Variants in BRWD1 observed in about 807,000 individuals in gnomAD.
The protein encoded by BRWD1 is bromodomain and WD repeat domain containing 1, also known as bromodomain and WD repeat-containing protein 1.
Under a neutral mutation model 251.2 loss-of-function variants are expected in BRWD1, and 82 were observed. The observed-to-expected ratio is 0.33, with a 90% CI of 0.27 to 0.39. The LOEUF (loss-of-function observed/expected upper bound fraction) is 0.39. BRWD1 is among the 10% of genes least tolerant of loss of function. BRWD1 has a pLI of 1.00. For synonymous variants in BRWD1, 918 were observed against 902.8 expected (o/e 1.02, Z -0.30); for missense variants, 2,233 against 2,711.6 (o/e 0.82, Z 3.92).
chr21:39,276,578 GTTGTT>G (rs1443877326), intron 11 of BRWD1, among the ~76,000 whole-genome samples: 2 of 152,138 alleles, frequency 1.3e-5, no homozygotes, highest in African/African-American at 4.8e-5. Context: ...ATTTTCAATT[GTTGTT>G]TTAAGTTATT....
chr21:39,188,300 T>C lies in BRWD1; in HGVS notation c.*7959A>G. Reference sequence around the variant, plus strand: ...TGGTACACACCAATCTTGATGGCAGTTTGTTTTGTAGGACCCTGCCTGAAG... The same window carrying C: ...TGGTACACACCAATCTTGATGGCAGCTTGTTTTGTAGGACCCTGCCTGAAG... On this transcript the variant is annotated 3_prime_UTR_variant, in exon 41 of 41. Coordinates refer to ENST00000342449, the MANE Select transcript of BRWD1 (RefSeq NM_033656.4). 7.1e-6 allele frequency: 7 copies of C among 985,324 alleles called. No homozygotes were observed. The highest frequency in any genetic ancestry group is 8.4e-6 in the Non-Finnish European group (7 of 829,898). 61.0% of individuals were successfully genotyped at this position (985,324 alleles called of 1,614,324 possible).
At chr21:39,268,102 T>C (rs1483136685) in intron 15 of BRWD1, among the ~76,000 whole-genome samples, 1 of 152,078 alleles carries the variant, frequency 6.6e-6, no homozygotes, top group African/African-American at 2.4e-5. Context: ...AAATCTTCAA[T>C]GGATCCAATA....
At chr21:39,292,693 C>A (rs1397660186) in intron 8 of BRWD1, among the ~76,000 whole-genome samples, 2 of 152,012 alleles carry the variant, frequency 1.3e-5, no homozygotes, top group Non-Finnish European at 2.9e-5. Context: ...GGGCAACATC[C>A]AAACTGTGGG....
intron 4 of BRWD1, among the ~76,000 whole-genome samples, chr21:39,306,068 G>A (rs2036277764): frequency 6.7e-6 from 1 of 148,472 alleles, no homozygotes; most frequent in Admixed American, 6.7e-5. Flanking sequence ...TTATCTTTAA[G>A]TATCTTTTTT....
rs1373939856 is a variant in BRWD1, at chr21:39,191,956, A to ATAG, written c.*4300_*4302dup. On this transcript the variant is annotated 3_prime_UTR_variant, in exon 41 of 41. Transcript: ENST00000342449. Reference sequence around the variant, plus strand: ...CTTGCCATACTTGAGAAACAGATGTATAGTCTAATTATTTACATGTTGCCA... The same window carrying ATAG: ...CTTGCCATACTTGAGAAACAGATGTATAGTAGTCTAATTATTTACATGTTGCCA... 1 of 985,040 alleles carries ATAG rather than the reference A, an allele frequency of 1.0e-6. No homozygotes were observed. Among genetic ancestry groups the ATAG allele is most frequent in the East Asian group, 1.1e-4 (1 of 8,824 alleles). The allele number at this position is 985,040 out of a possible 1,614,324, so 61.0% of individuals were successfully genotyped here.
Position 39,199,002 on chromosome 21 carries a change from G to GTAT in BRWD1, c.5411_5413dup (p.Asn1804dup), listed in dbSNP as rs1161106996. ...AAAGAAACTCGCATTCTTGTGAAAT[G>GTAT]TATTGTATTTCCTACCACCAGATCT... On this transcript the variant is annotated inframe_insertion, in exon 40 of 41. Transcript: ENST00000342449. The GTAT allele has an allele frequency of 6.2e-7, 1 of 1,613,950 alleles. No individual in the cohort carries two copies. Among genetic ancestry groups the GTAT allele is most frequent in the African/African-American group, 1.3e-5 (1 of 74,890 alleles).
At position 39,198,945 on chromosome 21, in the gene BRWD1, T is replaced by C. The variant is rs1428462679; in HGVS notation, c.5471A>G (p.Asp1824Gly). 2 of 1,613,824 alleles carry C rather than the reference T, an allele frequency of 1.2e-6. No individual in the cohort carries two copies. The highest frequency in any genetic ancestry group is 1.7e-5 in the Admixed American group (1 of 59,976). The change falls in exon 40 of 41, where the codon GAC (aspartate) becomes GGC (glycine). Residue 1824 changes from aspartate to glycine, a missense_variant. By Grantham distance (94) the Asp-to-Gly change is moderately conservative. Around this residue, in one of 12 missense-constraint regions of BRWD1, gnomAD observed 928 missense variants for 970.0 expected, o/e 0.96. Coordinates refer to ENST00000342449, the MANE Select transcript of BRWD1 (RefSeq NM_033656.4). Reference protein sequence around the residue: ...KKTKILSDSEDSESEEQDRED... With the variant: ...KKTKILSDSEGSESEEQDRED... ...TCTATCTTGCTCTTCAGATTCAGAG[T>C]CTTCTGAGTCACTCAGAATCTTGGT...
chr21:39,264,371 G>A (rs909242910), intron 17 of BRWD1, 89 bp downstream of exon 17: 2 of 763,986 alleles, frequency 2.6e-6, no homozygotes, highest in East Asian at 3.2e-5. Context: ...TAATAATTGG[G>A]GATCTAAAGG....
chr21:39,289,032 CAG>C (rs1252889571), intron 8 of BRWD1, among the ~76,000 whole-genome samples: 3 of 152,198 alleles, frequency 2.0e-5, no homozygotes, highest in African/African-American at 7.2e-5. Flanking sequence ...ACACTGTTGT[CAG>C]AGAATATACT....
At chr21:39,295,388 CGT>C (rs1568964804) in intron 7 of BRWD1, among the ~76,000 whole-genome samples, 2 of 151,752 alleles carry the variant, frequency 1.3e-5, no homozygotes, top group Non-Finnish European at 2.9e-5. Flanking sequence ...GGGGTTTCAC[CGT>C]GTTAGCCAGG....
At position 39,262,181 on chromosome 21, in the gene BRWD1, A is replaced by G. The variant is rs1411489772; in HGVS notation, c.1885+2279T>C. 2.0e-5 allele frequency among the ~76,000 whole-genome samples: 3 copies of G among 152,244 alleles called. No individual in the cohort carries two copies. The East Asian group carries it at 5.8e-4, about 29-fold the overall frequency. On this transcript the variant is annotated intron_variant, in intron 17 of 40. Coordinates refer to ENST00000342449, the MANE Select transcript of BRWD1 (RefSeq NM_033656.4). ...AAAATACATAAAGTAAAAACTGAGT[A>G]AACTGAAGAGAGAAATGACAAATTC...
At chr21:39,239,783 C>T (rs1025216905) in intron 21 of BRWD1, among the ~76,000 whole-genome samples, 11 of 152,184 alleles carry the variant, frequency 7.2e-5, no homozygotes, top group African/African-American at 2.7e-4. Flanking sequence ...TCAGCAGGAA[C>T]TCTCATTCAT....
At chr21:39,320,216 C>T (rs925897468) in intron 1 of BRWD1, among the ~76,000 whole-genome samples, 1 of 152,174 alleles carries the variant, frequency 6.6e-6, no homozygotes, top group East Asian at 1.9e-4. Context: ...CCTTTCCTGC[C>T]AAGCCACAGG....
At chr21:39,304,957 A>ATTTTTTTTT (rs36090972) in intron 4 of BRWD1, among the ~76,000 whole-genome samples, 4 of 121,170 alleles carry the variant, frequency 3.3e-5, no homozygotes, top group East Asian at 2.5e-4. Flanking sequence ...ATATTTGGAG[A>ATTTTTTTTT]TTTTTTTTTT....
Position 39,187,194 on chromosome 21 carries a change from T to C in BRWD1, c.*9065A>G. ...CAGAAGCATTTCGATGGGGCAGTTT[T>C]CTGCTACTCTTCCTAATCCAGACAT... On this transcript the variant is annotated 3_prime_UTR_variant, in exon 41 of 41. Coordinates refer to ENST00000342449, the MANE Select transcript of BRWD1 (RefSeq NM_033656.4). 1 of 1,613,626 alleles carries C rather than the reference T, an allele frequency of 6.2e-7. No individual in the cohort carries two copies. The highest frequency in any genetic ancestry group is 8.5e-7 in the Non-Finnish European group (1 of 1,179,872).
chr21:39,313,579 T>C lies in BRWD1; in HGVS notation c.-88A>G. The C allele has an allele frequency of 8.9e-7, 1 of 1,121,612 alleles. No individual in the cohort carries two copies. The highest frequency in any genetic ancestry group is 1.1e-6 in the Non-Finnish European group (1 of 897,080). The allele number at this position is 1,121,612 out of a possible 1,614,324, so 69.5% of individuals were successfully genotyped here. A position where few individuals can be genotyped will look rare whatever the true frequency, so the allele number is the denominator to read the frequency against. ...GCCTGACCGGGCTGGCGTCCCCTCT[T>C]CTCAGGCGCGCGCCGCCGCCGCCGC... is the stretch of plus-strand genomic sequence containing the variant. On this transcript the variant is annotated 5_prime_UTR_variant, in exon 1 of 41. Coordinates refer to ENST00000342449, the MANE Select transcript of BRWD1 (RefSeq NM_033656.4).
rs2032375854 is a variant in BRWD1, at chr21:39,206,089, C to T, written c.4364+19G>A. ...AAATTAAATAAATAAATAAAGCAAG[C>T]TTGCCATAACCAGTTTACCTGATAC... On this transcript the variant is annotated intron_variant, in intron 37 of 40. Coordinates refer to ENST00000342449, the MANE Select transcript of BRWD1 (RefSeq NM_033656.4). 2 of 1,583,818 alleles carry T rather than the reference C, an allele frequency of 1.3e-6. No individual in the cohort carries two copies. The highest frequency in any genetic ancestry group is 1.4e-5 in the African/African-American group (1 of 73,256).
In BRWD1 at chr21:39,195,503, G is replaced by C; in HGVS notation, c.*756C>G. ...AGACAGATTATATAGCATTTTGTTAGTGCACAATTTAAAAGAAAATGCTCT... is the reference window on the plus strand; with the variant it reads ...AGACAGATTATATAGCATTTTGTTACTGCACAATTTAAAAGAAAATGCTCT... On this transcript the variant is annotated 3_prime_UTR_variant, in exon 41 of 41. Coordinates refer to ENST00000342449, the MANE Select transcript of BRWD1 (RefSeq NM_033656.4). 1 of 984,430 alleles carries C rather than the reference G, an allele frequency of 1.0e-6. No homozygotes were observed. The highest frequency in any genetic ancestry group is 1.7e-5 in the African/African-American group (1 of 57,290). The allele number at this position is 984,430 out of a possible 1,614,324, so 61.0% of individuals were successfully genotyped here.
At chr21:39,210,672 A>C (rs2032616424) in intron 35 of BRWD1, 114 bp downstream of exon 35, 1 of 1,301,876 alleles carries the variant, frequency 7.7e-7, no homozygotes, top group Admixed American at 2.7e-5. Flanking sequence ...TGATAGGAGC[A>C]AAAAAGTTAA....
Sources: gnomAD v4.1 joint callset for allele counts (sites outside exome capture counted in the v4.1 genomes callset) on GRCh38, gnomAD v4.1.1 for gene constraint, gnomAD v4.1.1 regional missense constraint, MANE v1.5 for transcripts, NCBI Gene and HGNC (gene_info 2026-07-23, HGNC 2026-07-21) for gene names.